Variants in MICALL1 observed in about 807,000 individuals in gnomAD.
MICALL1 encodes the protein MICAL like 1.
A neutral mutation model predicts 83.7 loss-of-function variants in MICALL1; 61 were observed. The ratio of observed to expected loss-of-function variants is 0.73; its 90% CI spans 0.59 to 0.90. The LOEUF (loss-of-function observed/expected upper bound fraction) is 0.90. Among genes scored for constraint, MICALL1 ranks in the 40% least tolerant of loss-of-function variants. The pLI, the probability that MICALL1 is intolerant of heterozygous loss-of-function variation, is 0.00. For synonymous variants in MICALL1, 481 were observed against 473.6 expected (o/e 1.02, Z -0.20); for missense variants, 1,066 against 1,152.0 (o/e 0.93, Z 1.08).
rs750157354 is a variant in MICALL1 at position 37,932,650 on chromosome 22, TGGA to T, written c.2119_2121del (p.Glu707del). On this transcript the variant is annotated inframe_deletion, in exon 11 of 16. Coordinates refer to ENST00000215957, the MANE Select transcript of MICALL1 (RefSeq NM_033386.4). The surrounding 1 kb of genome is among the most constrained non-coding windows in gnomAD (Gnocchi z 4.4). ...GCCCTGGAGCACCGTGGGGTGCTGC[TGGA>T]GGAGAAGCTGCGTGGCGGCCTGAAT... 11 of 1,613,900 alleles carry T rather than the reference TGGA, an allele frequency of 6.8e-6. No individual in the cohort carries two copies. The East Asian group carries it at 2.0e-4, about 29-fold the overall frequency.
chr22:37,917,019 G>A (rs1276384563), intron 3 of MICALL1, among the ~76,000 whole-genome samples: 7 of 152,022 alleles, frequency 4.6e-5, no homozygotes, highest in Admixed American at 1.3e-4. Context: ...TTATAGGCGC[G>A]CACCACCATG....
At chr22:37,916,327 T>C (rs934133806) in intron 3 of MICALL1, among the ~76,000 whole-genome samples, 14 of 152,236 alleles carry the variant, frequency 9.2e-5, no homozygotes, top group Non-Finnish European at 1.9e-4. Flanking sequence ...CCTTCTCTAA[T>C]AAATCTGCCT....
In MICALL1 at chr22:37,906,364, C is replaced by T; in HGVS notation, c.-59C>T. 1 of 1,018,646 alleles carries T rather than the reference C, an allele frequency of 9.8e-7. No individual in the cohort carries two copies. Among genetic ancestry groups the T allele is most frequent in the Non-Finnish European group, 1.2e-6 (1 of 851,364 alleles). 63.1% of individuals were successfully genotyped at this position (1,018,646 alleles called of 1,614,324 possible). A position where few individuals can be genotyped will look rare whatever the true frequency, so the allele number is the denominator to read the frequency against. On this transcript the variant is annotated 5_prime_UTR_variant, in exon 1 of 16. Transcript: ENST00000215957. This position sits in a 1 kb window ranked among gnomAD's most constrained non-coding sequence, Gnocchi z 4.4. ...GGAAACCGGGCCCGCGCGGCGGCCG[C>T]CGTCCCGGCCAAGCCGGGGCCCCGA...
At chr22:37,926,169 A>C in intron 8 of MICALL1, 126 bp downstream of exon 8, 50 of 1,230,390 alleles carry the variant, frequency 4.1e-5, no homozygotes, top group African/African-American at 7.6e-5. Context: ...GTGACTTCTC[A>C]TTTAATCCTA....
intron 9 of MICALL1, 42 bp from the exon 10 acceptor site, chr22:37,931,757 C>T (rs1192992796): frequency 2.5e-6 from 4 of 1,611,174 alleles, no homozygotes; most frequent in Non-Finnish European, 2.5e-6. Flanking sequence ...CTCACGTGCC[C>T]TCTTCCCAGG....
chr22:37,922,591 ATATATATATATTTTTTTTTTTT>A (rs1431030322), intron 6 of MICALL1, among the ~76,000 whole-genome samples, 165 bp downstream of exon 6: 2 of 78,626 alleles, frequency 2.5e-5, no homozygotes, highest in Admixed American at 1.4e-4. Flanking sequence ...ATATATATAT[ATATATATATATTTTTTTTTTTT>A]TTTTTTTTTT....
chr22:37,916,065 C>G (rs997541511), intron 3 of MICALL1, among the ~76,000 whole-genome samples: 1 of 150,908 alleles, frequency 6.6e-6, no homozygotes, highest in Non-Finnish European at 1.5e-5. Context: ...TCTCTCTCTA[C>G]TGAGCTCATC....
chr22:37,929,239 G>A (rs1273622952), intron 9 of MICALL1, among the ~76,000 whole-genome samples: 2 of 152,200 alleles, frequency 1.3e-5, no homozygotes, highest in Non-Finnish European at 1.5e-5. Context: ...ACTCCCTTCT[G>A]CAGAGACCTG....
At chr22:37,931,101 G>A (rs1398916022) in intron 9 of MICALL1, among the ~76,000 whole-genome samples, 1 of 152,210 alleles carries the variant, frequency 6.6e-6, no homozygotes, top group African/African-American at 2.4e-5. Context: ...CTAGATGGCT[G>A]CCCAGGCCCT....
At chr22:37,922,897 C>T (rs148550808) in intron 6 of MICALL1, among the ~76,000 whole-genome samples, 6,859 of 149,306 alleles carry the variant, frequency 0.046, 545 homozygotes, top group African/African-American at 0.16. Context: ...CTCGGCCTCC[C>T]AAAGTGCTGG....
Position 37,940,919 on chromosome 22 carries a change from A to C in MICALL1, c.*89A>C. 6.5e-7 allele frequency: 1 copy of C among 1,542,674 alleles called. No homozygotes were observed. Among genetic ancestry groups the C allele is most frequent in the East Asian group, 2.3e-5 (1 of 43,572 alleles). The stretch of plus-strand genomic sequence containing the variant: ...GAAGGGGGCGCCCTGCTCCCCTCAG[A>C]TCAGTCAGGAGGAAGATGACTAAGG... On this transcript the variant is annotated 3_prime_UTR_variant, in exon 16 of 16. Coordinates refer to ENST00000215957, the MANE Select transcript of MICALL1 (RefSeq NM_033386.4).
chr22:37,924,726 A>G lies in MICALL1; in HGVS notation c.1082+9A>G. On this transcript the variant is annotated intron_variant, in intron 7 of 15. Coordinates refer to ENST00000215957, the MANE Select transcript of MICALL1 (RefSeq NM_033386.4). The surrounding 1 kb of genome is among the most constrained non-coding windows in gnomAD (Gnocchi z 5.2). ...CCGAAGCCGTCCGAGGGGTATGTCGATCCCTGAGGGGCTTTCCTGCTTTGG... is the reference window on the plus strand; with the variant it reads ...CCGAAGCCGTCCGAGGGGTATGTCGGTCCCTGAGGGGCTTTCCTGCTTTGG... 6.2e-7 allele frequency: 1 copy of G among 1,610,962 alleles called. No individual in the cohort carries two copies. The highest frequency in any genetic ancestry group is 8.5e-7 in the Non-Finnish European group (1 of 1,178,410).
chr22:37,936,667 T>C (rs1033964227), intron 13 of MICALL1, among the ~76,000 whole-genome samples: 9 of 152,048 alleles, frequency 5.9e-5, no homozygotes, highest in Admixed American at 6.6e-5. Context: ...CTGAGACGGG[T>C]GGATCACGAG....
At chr22:37,929,262 A>G (rs1929659451) in intron 9 of MICALL1, among the ~76,000 whole-genome samples, 1 of 152,212 alleles carries the variant, frequency 6.6e-6, no homozygotes, top group African/African-American at 2.4e-5. Flanking sequence ...TCTCCCCGCC[A>G]TGGAACAGGG....
chr22:37,941,107 T>C lies in MICALL1; in HGVS notation c.*277T>C, dbSNP rs2145676146. On this transcript the variant is annotated 3_prime_UTR_variant, in exon 16 of 16. Coordinates refer to ENST00000215957, the MANE Select transcript of MICALL1 (RefSeq NM_033386.4). The stretch of plus-strand genomic sequence containing the variant: ...TGCTGTGACGGACCCAAGGGGCAAA[T>C]AGGGTCCCAGGGTCCAGGGAGGGGC... 4 of 334,984 alleles carry C rather than the reference T, an allele frequency of 1.2e-5. No individual in the cohort carries two copies. The highest frequency in any genetic ancestry group is 1.1e-3 in the Middle Eastern group (1 of 948). 20.8% of individuals were successfully genotyped at this position (334,984 alleles called of 1,614,324 possible). A position where few individuals can be genotyped will look rare whatever the true frequency, so the allele number is the denominator to read the frequency against.
intron 9 of MICALL1, 109 bp from the exon 10 acceptor site, chr22:37,931,690 G>C: frequency 7.5e-7 from 1 of 1,338,162 alleles, no homozygotes; most frequent in Non-Finnish European, 1.0e-6. Context: ...CCTGGGTCCT[G>C]CTGGCCCTGG....
At position 37,933,125 on chromosome 22, in the gene MICALL1, ACTGGCACTCCC is replaced by A; in HGVS notation, c.2308+21_2308+31del. ...CTCAATAAGCCAGGTGAGTGCAGCC[ACTGGCACTCCC>A]CTGGCACCTGCCCTGGGGCCTGGTG... On this transcript the variant is annotated intron_variant, in intron 13 of 15. Coordinates refer to ENST00000215957, the MANE Select transcript of MICALL1 (RefSeq NM_033386.4). The A allele has an allele frequency of 6.2e-7, 1 of 1,612,772 alleles. No homozygotes were observed. The highest frequency in any genetic ancestry group is 1.3e-5 in the African/African-American group (1 of 74,976).
rs1376233233 is a variant in MICALL1 at position 37,934,082 on chromosome 22, C to T, written c.2308+970C>T. 3.3e-5 allele frequency among the ~76,000 whole-genome samples: 5 copies of T among 152,356 alleles called. No homozygotes were observed. The East Asian group carries it at 5.8e-4, about 18-fold the overall frequency. The stretch of plus-strand genomic sequence containing the variant: ...GCGTGGCCACCACTCAGAGCCACAG[C>T]GGCGCCCTGTGGCCAGAGCGGGCAC... On this transcript the variant is annotated intron_variant, in intron 13 of 15. Transcript: ENST00000215957.
At chr22:37,914,851 A>G (rs1231388032) in intron 3 of MICALL1, among the ~76,000 whole-genome samples, 1 of 151,206 alleles carries the variant, frequency 6.6e-6, no homozygotes, top group African/African-American at 2.4e-5. Context: ...CATGTTACCC[A>G]GGTTGGTCTT....
Sources: allele counts gnomAD v4.1 joint callset (sites outside exome capture counted in the v4.1 genomes callset), GRCh38; gene constraint gnomAD v4.1.1; non-coding constraint Gnocchi (gnomAD v3.1); transcripts MANE v1.5; gene names NCBI Gene and HGNC (gene_info 2026-07-23, HGNC 2026-07-21).